Variants in EPS8L3 observed in about 807,000 individuals in gnomAD.
The protein encoded by EPS8L3 is epidermal growth factor receptor kinase substrate 8-like protein 3.
EPS8L3 carries 80 observed loss-of-function variants against 88.5 expected under a neutral mutation model. That is an observed-to-expected ratio of 0.90 (90% confidence interval 0.75 to 1.09). The LOEUF is 1.09. Ranked by LOEUF, EPS8L3 falls within the 50% of genes least tolerant of loss-of-function variation. The pLI, the probability that EPS8L3 is intolerant of heterozygous loss-of-function variation, is 0.00. For synonymous variants in EPS8L3, 286 were observed against 291.0 expected, an observed-to-expected ratio of 0.98 and a Z score of 0.18; for missense variants, 721 against 735.2, an observed-to-expected ratio of 0.98 and a Z score of 0.22.
At chr1:109,757,300 T>C in intron 11 of EPS8L3, 135 bp from the exon 12 acceptor site, 1 of 1,199,294 alleles carries the variant, frequency 8.3e-7, no homozygotes, top group Non-Finnish European at 1.2e-6. Context: ...CCCATCTGCC[T>C]TGGGCCTGCT....
At chr1:109,753,981 A>G (rs1251222523) in intron 12 of EPS8L3, among the ~76,000 whole-genome samples, 1 of 152,234 alleles carries the variant, frequency 6.6e-6, no homozygotes, top group Non-Finnish European at 1.5e-5. Context: ...TACCCCTAGT[A>G]CAGTGGCTGA....
Position 109,759,171 on chromosome 1 carries a change from GTGTGTGTGT to G in EPS8L3, c.405+58_406-55del. 2 of 1,606,376 alleles carry G rather than the reference GTGTGTGTGT, an allele frequency of 1.2e-6. No individual in the cohort carries two copies. Among genetic ancestry groups the G allele is most frequent in the Non-Finnish European group, 1.7e-6 (2 of 1,173,988 alleles). ...TGTGTGTGTGTGTGTGTGTGTGTGT[GTGTGTGTGT>G]GTGGTGGGGTGATGGTCGATGAACC... On this transcript the variant is annotated intron_variant, in intron 5 of 18. Coordinates refer to ENST00000361965, the MANE Select transcript of EPS8L3 (RefSeq NM_133181.4). The surrounding 1 kb of genome is among the most constrained non-coding windows in gnomAD (Gnocchi z 4.2).
rs569297309 is a variant in EPS8L3 at position 109,763,660 on chromosome 1, C to T, written c.-25+162G>A. ...TCGCTCTGCTTTCCAGCCCACCAGC[C>T]AGCTGCTGAGTCCCAAGCCCCTCCT... On this transcript the variant is annotated intron_variant, in intron 1 of 18. Transcript: ENST00000361965. 3.3e-5 allele frequency among the ~76,000 whole-genome samples: 5 copies of T among 152,326 alleles called. No individual in the cohort carries two copies. In the East Asian group the frequency reaches 7.7e-4, roughly 23 times the overall value.
At chr1:109,756,969 C>T (rs529975905) in intron 12 of EPS8L3, 48 bp downstream of exon 12, 2 of 1,613,452 alleles carry the variant, frequency 1.2e-6, no homozygotes, top group South Asian at 1.1e-5. Flanking sequence ...TGCCTGATGC[C>T]TCCATGCCCC....
chr1:109,759,570 G>A lies in EPS8L3; in HGVS notation c.255+108C>T, dbSNP rs2101508652. ...TCCTAGGCTTGGGTGTGTGTTGTAT[G>A]TGGGGAGAGTGGCTGCCCTTTGGGG... On this transcript the variant is annotated intron_variant, in intron 4 of 18. Coordinates refer to ENST00000361965, the MANE Select transcript of EPS8L3 (RefSeq NM_133181.4). The surrounding 1 kb of genome is among the most constrained non-coding windows in gnomAD (Gnocchi z 4.2). 1.3e-6 allele frequency: 2 copies of A among 1,490,630 alleles called. No homozygotes were observed. Among genetic ancestry groups the A allele is most frequent in the Non-Finnish European group, 1.8e-6 (2 of 1,106,876 alleles). The allele number at this position is 1,490,630 out of a possible 1,614,324, so 92.3% of individuals were successfully genotyped here. A position where few individuals can be genotyped will look rare whatever the true frequency, so the allele number is the denominator to read the frequency against.
At position 109,752,029 on chromosome 1, in the gene EPS8L3, C is replaced by T. The variant is rs148823610; in HGVS notation, c.1400G>A (p.Arg467Gln). 4.2e-5 allele frequency: 67 copies of T among 1,612,962 alleles called. No homozygotes were observed. In the African/African-American group the frequency reaches 7.2e-4, roughly 17 times the overall value. ...VLYEFEARNP[R>Q]ELTVVQGEKL... is the part of the protein sequence containing the mutation. The stretch of plus-strand genomic sequence containing the variant: ...CTCTCCCTGGACCACAGTCAGTTCC[C>T]GTGGGTTCCTAGCTTCAAACTCGTA... The change falls in exon 15 of 19, where the codon CGG becomes CAG. Residue 467 changes from arginine to glutamine, a missense_variant. Arg to Gln is a conservative substitution (Grantham distance 43, BLOSUM62 1). Coordinates refer to ENST00000361965, the MANE Select transcript of EPS8L3 (RefSeq NM_133181.4).
chr1:109,753,503 A>G (rs1650001559), intron 12 of EPS8L3, among the ~76,000 whole-genome samples: 1 of 152,226 alleles, frequency 6.6e-6, no homozygotes, highest in Non-Finnish European at 1.5e-5. Flanking sequence ...CATTTGGATT[A>G]AAGTAGTAGA....
chr1:109,761,648 G>C (rs1440427683), intron 2 of EPS8L3, 71 bp downstream of exon 2: 4 of 1,606,644 alleles, frequency 2.5e-6, no homozygotes, highest in African/African-American at 2.7e-5. Context: ...TGTGAGGAAG[G>C]GGGAGTGGAG....
At position 109,761,736 on chromosome 1, in the gene EPS8L3, C is replaced by T. The variant is rs1367579285; in HGVS notation, c.14G>A (p.Ser5Asn). 1 of 1,614,026 alleles carries T rather than the reference C, an allele frequency of 6.2e-7. No individual in the cohort carries two copies. The highest frequency in any genetic ancestry group is 8.5e-7 in the Non-Finnish European group (1 of 1,179,996). Residue 5 changes from serine to asparagine, a missense_variant, in exon 2 of 19, where the codon AGC becomes AAC. Coordinates refer to ENST00000361965, the MANE Select transcript of EPS8L3 (RefSeq NM_133181.4). MSRP[S>N]SRAIYLHRKE... ...GAGCTTACAGTAAATGGCTCTGCTG[C>T]TGGGCCTTGACATGTTGACGCTGCT...
At chr1:109,756,970 TC>T (rs1650341614) in intron 12 of EPS8L3, 46 bp downstream of exon 12, 12 of 1,613,522 alleles carry the variant, frequency 7.4e-6, no homozygotes, top group Non-Finnish European at 1.0e-5. Flanking sequence ...GCCTGATGCC[TC>T]CATGCCCCTC....
intron 17 of EPS8L3, 91 bp from the exon 18 acceptor site, chr1:109,750,883 A>T (rs1270287219): frequency 5.3e-6 from 8 of 1,504,444 alleles, no homozygotes; most frequent in Non-Finnish European, 7.2e-6. Context: ...TTGGGCTCGG[A>T]GGTTGGGGTT....
rs374078062 is a variant in EPS8L3, at chr1:109,750,622, C to A, written c.1770+38G>T. 3.1e-6 allele frequency: 5 copies of A among 1,613,136 alleles called. No individual in the cohort carries two copies. In the African/African-American group the frequency reaches 5.3e-5, roughly 17 times the overall value. On this transcript the variant is annotated intron_variant, in intron 18 of 18. Transcript: ENST00000361965. Reference sequence around the variant, plus strand: ...CTCTCTCTCACCCAGGAGCACCAGACACTCCCAATGGTTGTCAGGACCCCA... The same window carrying A: ...CTCTCTCTCACCCAGGAGCACCAGAAACTCCCAATGGTTGTCAGGACCCCA...
Position 109,759,418 on chromosome 1 carries a change from C to T in EPS8L3, c.256-31G>A. On this transcript the variant is annotated intron_variant, in intron 4 of 18. Transcript: ENST00000361965. The surrounding 1 kb of genome is among the most constrained non-coding windows in gnomAD (Gnocchi z 4.2). ...CCAGGTGGAGAGGTCAACTGTGAGG[C>T]CACCAGAGCTAGGTGTGGCTTCTGG... 1.2e-6 allele frequency: 2 copies of T among 1,608,238 alleles called. No homozygotes were observed. The highest frequency in any genetic ancestry group is 1.7e-6 in the Non-Finnish European group (2 of 1,177,006).
Position 109,758,074 on chromosome 1 carries a change from C to A in EPS8L3, c.718-16G>T, listed in dbSNP as rs1650475860. ...TCAGCACTTCCTGGGCCCCAAACAA[C>A]CCATGGCCTTGAACGGGCAGTTGGG... On this transcript the variant is annotated splice_polypyrimidine_tract_variant and intron_variant, in intron 8 of 18. Transcript: ENST00000361965. The A allele has an allele frequency of 6.2e-7, 1 of 1,610,560 alleles. No individual in the cohort carries two copies.
At chr1:109,761,274 C>A in intron 3 of EPS8L3, 3 of 511,936 alleles carry the variant, frequency 5.9e-6, no homozygotes, top group Non-Finnish European at 7.0e-6. Flanking sequence ...AACCTCCAGC[C>A]AGGCCTGCTC....
chr1:109,752,807 G>A, intron 13 of EPS8L3, 87 bp from the exon 14 acceptor site: 1 of 1,230,390 alleles, frequency 8.1e-7, no homozygotes, highest in Non-Finnish European at 1.2e-6. Context: ...ACAGGCATAA[G>A]CAGCTCACAC....
Position 109,759,506 on chromosome 1 carries a change from C to G in EPS8L3, c.256-119G>C, listed in dbSNP as rs76514759. 2,643 of 1,518,566 alleles carry G rather than the reference C, an allele frequency of 1.7e-3. 43 individuals are homozygous for G. In the African/African-American group the frequency reaches 0.03, roughly 17 times the overall value. 94.1% of individuals were successfully genotyped at this position (1,518,566 alleles called of 1,614,324 possible). On this transcript the variant is annotated intron_variant, in intron 4 of 18. Transcript: ENST00000361965. This position sits in a 1 kb window ranked among gnomAD's most constrained non-coding sequence, Gnocchi z 4.2. ...TAGGGCTGAGGTGTCATCTACCTGA[C>G]TCTTGTGCCTCTGTCCCCAGCCTCT...
intron 1 of EPS8L3, among the ~76,000 whole-genome samples, chr1:109,763,530 C>T (rs920355385): frequency 2.7e-4 from 41 of 152,156 alleles, no homozygotes; most frequent in Non-Finnish European, 4.9e-4. Flanking sequence ...TGTGACAGCC[C>T]ATTTCCCCCC....
intron 14 of EPS8L3, 124 bp from the exon 15 acceptor site, chr1:109,752,317 G>A (rs971078151): frequency 1.0e-6 from 1 of 980,012 alleles, no homozygotes; most frequent in African/African-American, 1.6e-5. Flanking sequence ...GGTTTCTTTA[G>A]AGTTTGCTGG....
Sources: gnomAD v4.1 joint callset for allele counts (sites outside exome capture counted in the v4.1 genomes callset) on GRCh38, gnomAD v4.1.1 for gene constraint, Gnocchi (gnomAD v3.1) non-coding constraint, MANE v1.5 for transcripts, NCBI Gene and HGNC (gene_info 2026-07-23, HGNC 2026-07-21) for gene names.